The following SMC2 variants were observed in gnomAD, a reference collection of about 807,000 sequenced individuals.
The protein encoded by SMC2 is structural maintenance of chromosomes protein 2.
In SMC2, 41 loss-of-function variants were observed where a neutral mutation model predicts 142.6. The observed-to-expected ratio is 0.29, with a 90% CI of 0.22 to 0.37. SMC2 has a LOEUF of 0.37. Among genes scored for constraint, SMC2 ranks in the 10% least tolerant of loss-of-function variants. The pLI is 1.00. For missense variants in SMC2, 1,265 were observed against 1,373.7 expected, an observed-to-expected ratio of 0.92 and a Z score of 1.25; for synonymous variants, 463 against 457.5, an observed-to-expected ratio of 1.01 and a Z score of -0.15.
intron 11 of SMC2, 27 bp downstream of exon 11, chr9:104,113,502 G>T (rs1421831426): frequency 1.3e-6 from 2 of 1,526,018 alleles, no homozygotes; most frequent in East Asian, 2.3e-5. Context: ...ATGATAATCA[G>T]ATCATGAGGA....
intron 9 of SMC2, among the ~76,000 whole-genome samples, chr9:104,103,272 C>T (rs1564075185): frequency 6.6e-6 from 1 of 151,842 alleles, no homozygotes; most frequent in African/African-American, 2.4e-5. Flanking sequence ...GAGAAGTGGC[C>T]ATGAGTACCT....
chr9:104,101,468 A>G (rs576621657), intron 7 of SMC2, among the ~76,000 whole-genome samples: 4 of 152,312 alleles, frequency 2.6e-5, no homozygotes, highest in African/African-American at 7.2e-5. Context: ...ATCTAACAAC[A>G]TGGACAGATC....
chr9:104,098,969 A>G (rs1830803627), intron 4 of SMC2, among the ~76,000 whole-genome samples: 1 of 152,128 alleles, frequency 6.6e-6, no homozygotes. Context: ...TTTATCTTAC[A>G]TTTACATTAC....
At chr9:104,088,941 T>C in the SMC2 span, among the ~76,000 whole-genome samples, 18 of 151,544 alleles carry the variant, frequency 1.2e-4, no homozygotes, top group Non-Finnish European at 2.5e-4. Context: ...TAGGGAGCAC[T>C]TTCTTTTGTC....
intron 23 of SMC2, chr9:104,135,929 C>T: frequency 1.9e-6 from 1 of 518,432 alleles, no homozygotes; most frequent in Non-Finnish European, 3.9e-6. Flanking sequence ...GAAAATGATA[C>T]CAGATGGAAC....
chr9:104,134,440 T>G lies in SMC2; in HGVS notation c.3134T>G (p.Phe1045Cys). The change falls in exon 23 of 25, where the codon TTT becomes TGT. Residue 1045 changes from phenylalanine to cysteine, a missense_variant. Around this residue, in one of 4 missense-constraint regions of SMC2, gnomAD observed 192 missense variants for 261.9 expected, o/e 0.73. Coordinates refer to ENST00000374793, the MANE Select transcript of SMC2 (RefSeq NM_006444.3). ...QKVNKDFGSI[F>C]STLLPGANAM... ...GTGAACAAGGACTTTGGGTCTATTTTTTCTACTCTTTTGCCTGGTGCTAAT... is the reference window on the plus strand; with the variant it reads ...GTGAACAAGGACTTTGGGTCTATTTGTTCTACTCTTTTGCCTGGTGCTAAT... 1 of 1,599,568 alleles carries G rather than the reference T, an allele frequency of 6.3e-7. No homozygotes were observed. The highest frequency in any genetic ancestry group is 8.5e-7 in the Non-Finnish European group (1 of 1,174,876).
At chr9:104,105,818 G>A (rs1269446288) in intron 9 of SMC2, among the ~76,000 whole-genome samples, 1 of 152,120 alleles carries the variant, frequency 6.6e-6, no homozygotes, top group Non-Finnish European at 1.5e-5. Flanking sequence ...TGACAGAAAT[G>A]TCCTGGATGT....
chr9:104,118,504 C>T, intron 15 of SMC2, 129 bp downstream of exon 15: 1 of 715,722 alleles, frequency 1.4e-6, no homozygotes. Context: ...GTGTGTTTGC[C>T]AGTGCCACCT....
At position 104,121,437 on chromosome 9, in the gene SMC2, G is replaced by A. The variant is rs561569941; in HGVS notation, c.2132+1275G>A. 4.6e-5 allele frequency among the ~76,000 whole-genome samples: 7 copies of A among 152,126 alleles called. No homozygotes were observed. In the South Asian group the frequency reaches 6.2e-4, roughly 14 times the overall value. The stretch of plus-strand genomic sequence containing the variant: ...TTGGAGCCCTGCAGTTCGAGGTTGC[G>A]GTGAGCTGAGATTGTGCCACTGCAC... On this transcript the variant is annotated intron_variant, in intron 16 of 24. Coordinates refer to ENST00000374793, the MANE Select transcript of SMC2 (RefSeq NM_006444.3).
At position 104,129,775 on chromosome 9, in the gene SMC2, A is replaced by G. The variant is rs372349786; in HGVS notation, c.2921A>G (p.Glu974Gly). ...GGTCAGAGACTTCAGAAGTTGCAAG[A>G]AATGAAGGAGAAACTAGGAAGAAAT... Reference protein sequence around the residue: ...EAGQRLQKLQEMKEKLGRNVN... With the variant: ...EAGQRLQKLQGMKEKLGRNVN... Residue 974 changes from glutamate (E) to glycine (G), a missense_variant, in exon 21 of 25, where the codon GAA becomes GGA. Physicochemically the swap from Glu to Gly is moderately conservative, Grantham distance 98. This residue lies in a region of SMC2 where 192 missense variants were observed against 261.9 expected (regional missense o/e 0.73). Transcript: ENST00000374793. 3 of 1,614,046 alleles carry G rather than the reference A, an allele frequency of 1.9e-6. No homozygotes were observed. In the African/African-American group the frequency reaches 4.0e-5, roughly 22 times the overall value.
At chr9:104,129,607 C>A in intron 20 of SMC2, 38 bp from the exon 21 acceptor site, 1 of 1,478,110 alleles carries the variant, frequency 6.8e-7, no homozygotes, top group Non-Finnish European at 9.5e-7. Flanking sequence ...GGTTTGTAAA[C>A]ATTCATAGAT....
chr9:104,095,430 CAG>C lies in SMC2; in HGVS notation c.49_50del (p.Arg17AspfsTer7). 1.2e-6 allele frequency: 2 copies of C among 1,613,860 alleles called. No individual in the cohort carries two copies. Among genetic ancestry groups the C allele is most frequent in the Non-Finnish European group, 8.5e-7 (1 of 1,179,950 alleles). Reference protein sequence around the residue: ...IILEGFKSYAQRTEVNGFDPL... With the variant: ...IILEGFKSYAXRTEVNGFDPL... ...TCTAGAGGGATTCAAGTCCTATGCT[CAG>C]AGGACCGAAGTCAATGGTTTTGACC... On this transcript the variant is annotated frameshift_variant, in exon 2 of 25. Transcript: ENST00000374793. LOFTEE classifies it high-confidence loss of function.
chr9:104,127,913 G>A (rs192178442), intron 20 of SMC2, among the ~76,000 whole-genome samples: 7 of 152,272 alleles, frequency 4.6e-5, no homozygotes, highest in African/African-American at 1.2e-4. Context: ...CTTTATGAGT[G>A]TTACTGCTGT....
chr9:104,090,327 A>G (rs1829968623), upstream of SMC2, among the ~76,000 whole-genome samples: 2 of 152,300 alleles, frequency 1.3e-5, no homozygotes, highest in Admixed American at 1.3e-4. Flanking sequence ...ATGCCTCAGG[A>G]GCCAGTAGTT....
At chr9:104,129,537 T>C (rs1405173096) in intron 20 of SMC2, 108 bp from the exon 21 acceptor site, 5 of 916,084 alleles carry the variant, frequency 5.5e-6, no homozygotes, top group East Asian at 4.8e-5. Flanking sequence ...TGAAGGTTTT[T>C]TCCTCTTCAG....
rs373725929 is a variant in SMC2 at position 104,103,776 on chromosome 9, CCT to C, written c.1020+1204_1020+1205del. Reference sequence around the variant, plus strand: ...TGTGAAAATAATTTCTTTATACTGCCCTGTTAGATATTTTTGCAGAGAAATAC... The same window carrying C: ...TGTGAAAATAATTTCTTTATACTGCCGTTAGATATTTTTGCAGAGAAATAC... On this transcript the variant is annotated intron_variant, in intron 9 of 24. Transcript: ENST00000374793. 3.2e-3 allele frequency among the ~76,000 whole-genome samples: 490 copies of C among 152,170 alleles called. 4 individuals are homozygous for C. Among genetic ancestry groups the C allele is most frequent in the African/African-American group, 0.011 (472 of 41,506 alleles).
Position 104,126,238 on chromosome 9 carries a change from G to T in SMC2, c.2452-403G>T, listed in dbSNP as rs190565159. ...TCTGGTCCTCGGTGCCAAAAAGGTT[G>T]GGGACTGCTCTTCTAATGAACTGAA... On this transcript the variant is annotated intron_variant, in intron 18 of 24. Transcript: ENST00000374793. 2.0e-3 allele frequency among the ~76,000 whole-genome samples: 299 copies of T among 152,224 alleles called. 1 individual carries two copies. Among genetic ancestry groups the T allele is most frequent in the African/African-American group, 6.8e-3 (284 of 41,516 alleles).
chr9:104,106,422 CTT>C (rs1385561997), intron 9 of SMC2, among the ~76,000 whole-genome samples: 2 of 151,900 alleles, frequency 1.3e-5, no homozygotes, highest in Non-Finnish European at 2.9e-5. Flanking sequence ...GAGTTTCACT[CTT>C]GTTGCCCAGG....
intron 7 of SMC2, 150 bp downstream of exon 7, chr9:104,100,583 T>A (rs1391765627): frequency 3.6e-6 from 2 of 552,808 alleles, no homozygotes; most frequent in African/African-American, 3.9e-5. Context: ...TAACTCAGCG[T>A]TCTGCTTACA....
Sources: gnomAD v4.1 joint callset for allele counts (sites outside exome capture counted in the v4.1 genomes callset) on GRCh38, gnomAD v4.1.1 for gene constraint, gnomAD v4.1.1 regional missense constraint, MANE v1.5 for transcripts, NCBI Gene and HGNC (gene_info 2026-07-23, HGNC 2026-07-21) for gene names.